Variants in RYR1 observed in about 807,000 individuals in gnomAD.
The protein encoded by RYR1 is central core disease of muscle.
Under a neutral mutation model 583.5 loss-of-function variants are expected in RYR1, and 342 were observed. That is an observed-to-expected ratio of 0.59 (90% confidence interval 0.54 to 0.64). The LOEUF (loss-of-function observed/expected upper bound fraction) is 0.64, where lower values mean the gene tolerates loss of function less well. RYR1 is among the 30% of genes least tolerant of loss of function. RYR1 has a pLI of 0.00. For synonymous variants in RYR1, 2,791 were observed against 2,822.5 expected (o/e 0.99, Z 0.35); for missense variants, 6,032 against 6,917.2 (o/e 0.87, Z 4.54).
rs554688672 is a variant in RYR1 at position 38,565,471 on chromosome 19, C to T, written c.13137C>T (p.Leu4379=). ...EGAKKVTVTE[L]LAGMPDPTSD... The stretch of plus-strand genomic sequence containing the variant: ...CCAAGAAGGTGACGGTGACCGAGCT[C>T]CTGGCAGGCATGCCCGACCCCACCA... The change falls in exon 91 of 106, where the codon CTC becomes CTT. Residue 4379 remains leucine, a synonymous_variant. Coordinates refer to ENST00000359596, the MANE Select transcript of RYR1 (RefSeq NM_000540.3). The surrounding 1 kb of genome is among the most constrained non-coding windows in gnomAD (Gnocchi z 4.7). The T allele has an allele frequency of 2.0e-6, 3 of 1,504,066 alleles. No individual in the cohort carries two copies. The highest frequency in any genetic ancestry group is 2.7e-5 in the East Asian group (1 of 36,866). The allele number at this position is 1,504,066 out of a possible 1,614,324, so 93.2% of individuals were successfully genotyped here.
At chr19:38,474,204 G>C (rs1341946623) in intron 28 of RYR1, among the ~76,000 whole-genome samples, 2 of 152,140 alleles carry the variant, frequency 1.3e-5, no homozygotes, top group African/African-American at 4.8e-5. Context: ...TAACTTAAAG[G>C]GAGATTCTGA....
At chr19:38,454,203 C>T (rs1435534777) in intron 13 of RYR1, among the ~76,000 whole-genome samples, 1 of 152,102 alleles carries the variant, frequency 6.6e-6, no homozygotes, top group Non-Finnish European at 1.5e-5. Flanking sequence ...CCACGCCTGG[C>T]TAATTTTTGT....
Position 38,561,289 on chromosome 19 carries a change from GCCGCATGA to G in RYR1, c.12462_12469del (p.His4155SerfsTer14). 1 of 1,614,064 alleles carries G rather than the reference GCCGCATGA, an allele frequency of 6.2e-7. No homozygotes were observed. The highest frequency in any genetic ancestry group is 8.5e-7 in the Non-Finnish European group (1 of 1,180,034). ...TGCTGACCAACCTGTCGGAGCATGT[GCCGCATGA>G]CCCTCGCCTGCACAACTTCCTGGAG... On this transcript the variant is annotated frameshift_variant, in exon 90 of 106. Coordinates refer to ENST00000359596, the MANE Select transcript of RYR1 (RefSeq NM_000540.3). LOFTEE classifies it high-confidence loss of function. This position sits in a 1 kb window ranked among gnomAD's most constrained non-coding sequence, Gnocchi z 4.8.
chr19:38,507,339 G>A (rs1600855002), intron 57 of RYR1, among the ~76,000 whole-genome samples: 1 of 147,262 alleles, frequency 6.8e-6, no homozygotes, highest in East Asian at 2.0e-4. Flanking sequence ...AAGAGGAAGA[G>A]GCTGAGAGGG....
rs771375638 is a variant in RYR1 at position 38,565,858 on chromosome 19, G to C, written c.13437+87G>C. 1.0e-4 allele frequency: 136 copies of C among 1,323,924 alleles called. No homozygotes were observed. In the Middle Eastern group the frequency reaches 1.7e-3, roughly 16 times the overall value. The allele number at this position is 1,323,924 out of a possible 1,614,324, so 82.0% of individuals were successfully genotyped here. On this transcript the variant is annotated intron_variant, in intron 91 of 105. Transcript: ENST00000359596. The surrounding 1 kb of genome is among the most constrained non-coding windows in gnomAD (Gnocchi z 4.7). ...GCCCGGCTGGGTGGAGACACACACA[G>C]AGGAGAGAACTGGCTAGGGGGATGG...
At chr19:38,434,685 G>GGGAGGGGATGAGAGGGA (rs1972346692) in intron 1 of RYR1, among the ~76,000 whole-genome samples, 4 of 152,134 alleles carry the variant, frequency 2.6e-5, no homozygotes, top group Admixed American at 2.6e-4. Flanking sequence ...GCAGGGGATG[G>GGGAGGGGATGAGAGGGA]GGAGGGGATG....
chr19:38,461,271 GA>G (rs1171814861), intron 20 of RYR1, among the ~76,000 whole-genome samples: 1 of 152,086 alleles, frequency 6.6e-6, no homozygotes, highest in Non-Finnish European at 1.5e-5. Flanking sequence ...CGTCTTTATA[GA>G]AAAAAATTTT....
rs1970889079 is a variant in RYR1 at position 38,514,927 on chromosome 19, T to C, written c.9473-99T>C. 5 of 783,508 alleles carry C rather than the reference T, an allele frequency of 6.4e-6. No individual in the cohort carries two copies. The South Asian group carries it at 7.1e-5, about 11-fold the overall frequency. The allele number at this position is 783,508 out of a possible 1,614,324, so 48.5% of individuals were successfully genotyped here. A position where few individuals can be genotyped will look rare whatever the true frequency, so the allele number is the denominator to read the frequency against. On this transcript the variant is annotated intron_variant, in intron 63 of 105. Coordinates refer to ENST00000359596, the MANE Select transcript of RYR1 (RefSeq NM_000540.3). ...GAAGGCTGGCTGTACATCTGCTTGC[T>C]CTTCCCCACTGCATGGGCCTATTTG...
At chr19:38,521,100 C>T (rs1487722269) in intron 67 of RYR1, among the ~76,000 whole-genome samples, 1 of 151,860 alleles carries the variant, frequency 6.6e-6, no homozygotes, top group Non-Finnish European at 1.5e-5. Context: ...CATGGCTAGA[C>T]CCTGTCTCTA....
intron 89 of RYR1, among the ~76,000 whole-genome samples, chr19:38,552,357 C>A (rs543505761): frequency 3.2e-4 from 48 of 151,864 alleles, no homozygotes; most frequent in Non-Finnish European, 5.6e-4. Flanking sequence ...TGGGTTCAAG[C>A]GATTCTTCTG....
intron 27 of RYR1, among the ~76,000 whole-genome samples, chr19:38,472,835 TAA>T (rs34985897): frequency 0.18 from 18,693 of 106,788 alleles, 1,601 homozygotes; most frequent in African/African-American, 0.26. Flanking sequence ...GACTCTTGTC[TAA>T]AAAAAAAAAA....
At chr19:38,457,941 C>A in intron 17 of RYR1, 110 bp from the exon 18 acceptor site, 1 of 1,134,578 alleles carries the variant, frequency 8.8e-7, no homozygotes. Flanking sequence ...TGTCTCTCTC[C>A]CATCTCTCTC....
At chr19:38,452,201 C>G (rs1967111850) in intron 12 of RYR1, among the ~76,000 whole-genome samples, 1 of 148,100 alleles carries the variant, frequency 6.8e-6, no homozygotes, top group Non-Finnish European at 1.5e-5. Context: ...CTTTGAGAGG[C>G]TGAGGCGGGC....
In RYR1 at chr19:38,579,872, C is replaced by T. The variant is rs540560090; in HGVS notation, c.14365-110C>T. The T allele has an allele frequency of 7.9e-4, 1,126 of 1,430,820 alleles. 2 individuals carry two copies. The highest frequency in any genetic ancestry group is 1.0e-3 in the Non-Finnish European group (1,012 of 1,015,540). The allele number at this position is 1,430,820 out of a possible 1,614,324, so 88.6% of individuals were successfully genotyped here. A position where few individuals can be genotyped will look rare whatever the true frequency, so the allele number is the denominator to read the frequency against. ...TCCTCCATGTACTCCCCAAACAGAG[C>T]TGGCACCCGACCCCCAGGGCACAGC... is the stretch of plus-strand genomic sequence containing the variant. On this transcript the variant is annotated intron_variant, in intron 99 of 105. Coordinates refer to ENST00000359596, the MANE Select transcript of RYR1 (RefSeq NM_000540.3).
chr19:38,485,853 A>C lies in RYR1; in HGVS notation c.5198A>C (p.Tyr1733Ser), dbSNP rs548973328. ...CRSRRSMLSE[Y>S]IVPLTPETRA... ...AGCCGCCGCTCCATGCTCTCTGAAT[A>C]CATCGTGCCCCTCACGCCTGAGACC... The change falls in exon 34 of 106, where the codon TAC becomes TCC. Residue 1733 changes from tyrosine (Y) to serine (S), a missense_variant. Around this residue, in one of 11 missense-constraint regions of RYR1, gnomAD observed 2,627 missense variants for 2,961.3 expected, o/e 0.89. Coordinates refer to ENST00000359596, the MANE Select transcript of RYR1 (RefSeq NM_000540.3). 12 of 1,613,734 alleles carry C rather than the reference A, an allele frequency of 7.4e-6. 1 individual carries two copies. In the Admixed American group the frequency reaches 2.0e-4, roughly 27 times the overall value.
intron 58 of RYR1, among the ~76,000 whole-genome samples, chr19:38,508,605 G>A (rs1307391682): frequency 6.6e-6 from 1 of 152,208 alleles, no homozygotes; most frequent in Non-Finnish European, 1.5e-5. Context: ...GAGGAGCTGT[G>A]TGGACCTCTG....
intron 25 of RYR1, among the ~76,000 whole-genome samples, chr19:38,468,340 C>A (rs1228508260): frequency 6.6e-6 from 1 of 151,942 alleles, no homozygotes. Flanking sequence ...ATCCATCCAT[C>A]CATTCTTCCA....
Position 38,492,407 on chromosome 19 carries a change from C to A in RYR1, c.6128-83C>A. On this transcript the variant is annotated intron_variant, in intron 37 of 105. Transcript: ENST00000359596. ...ATGAAAAACTCCATGCATGCATGCA[C>A]ATATGCACAAATAAATGAGTGTGTA... 4.2e-6 allele frequency: 6 copies of A among 1,424,314 alleles called. No homozygotes were observed. The Admixed American group carries it at 5.1e-5, about 12-fold the overall frequency. 88.2% of individuals were successfully genotyped at this position (1,424,314 alleles called of 1,614,324 possible).
intron 95 of RYR1, among the ~76,000 whole-genome samples, chr19:38,572,484 G>A (rs1446712604): frequency 6.6e-6 from 1 of 152,088 alleles, no homozygotes; most frequent in African/African-American, 2.4e-5. Context: ...GATTGGGAAC[G>A]GACACGGCTT....
Sources: gnomAD v4.1 joint callset for allele counts (sites outside exome capture counted in the v4.1 genomes callset) on GRCh38, gnomAD v4.1.1 for gene constraint, gnomAD v4.1.1 regional missense constraint, Gnocchi (gnomAD v3.1) non-coding constraint, MANE v1.5 for transcripts, NCBI Gene and HGNC (gene_info 2026-07-23, HGNC 2026-07-21) for gene names.